SNTB2: variants seen among roughly 807,000 people sequenced by gnomAD.
SNTB2 encodes syntrophin beta 2.
In SNTB2, 34 loss-of-function variants were observed where a neutral mutation model predicts 46.2. The ratio of observed to expected loss-of-function variants is 0.74; its 90% CI spans 0.56 to 0.98. SNTB2 has a LOEUF of 0.98. Among genes scored for constraint, SNTB2 ranks in the 50% least tolerant of loss-of-function variants. The pLI is 0.00. For synonymous variants in SNTB2, 290 were observed against 312.6 expected (o/e 0.93, Z 0.76); for missense variants, 603 against 731.4 (o/e 0.82, Z 2.02).
chr16:69,303,395 T>C lies in SNTB2; in HGVS notation c.*2471T>C, dbSNP rs1965292232. The stretch of plus-strand genomic sequence containing the variant: ...AATGTGAAAAGCTAAGCCACTGAGA[T>C]TTGCAGGGGAGCTTCTGAGCCACCC... On this transcript the variant is annotated 3_prime_UTR_variant, in exon 7 of 7. Coordinates refer to ENST00000336278, the MANE Select transcript of SNTB2 (RefSeq NM_006750.4). The C allele has an allele frequency of 6.6e-6, 1 of 152,204 alleles. No individual in the cohort carries two copies. The highest frequency in any genetic ancestry group is 2.1e-4 in the South Asian group (1 of 4,830). 9.4% of individuals were successfully genotyped at this position (152,204 alleles called of 1,614,324 possible).
chr16:69,245,680 C>A lies in SNTB2; in HGVS notation c.659C>A (p.Pro220His), dbSNP rs1055774782. ...VSDLPWEGAA[P>H]QSPSFSGSED... ...GATCTGCCGTGGGAAGGTGCAGCCC[C>A]CCAGTCACCAAGCTTTAGTGGCAGT... The change falls in exon 2 of 7, where the codon CCC (proline) becomes CAC (histidine). Residue 220 changes from proline (P) to histidine (H), a missense_variant. This residue lies in a region of SNTB2 where 537 missense variants were observed against 692.4 expected (regional missense o/e 0.78). Transcript: ENST00000336278. 3.1e-6 allele frequency: 5 copies of A among 1,614,048 alleles called. No homozygotes were observed. In the East Asian group the frequency reaches 1.1e-4, roughly 36 times the overall value.
intron 1 of SNTB2, among the ~76,000 whole-genome samples, chr16:69,220,626 C>G (rs1351673856): frequency 6.6e-6 from 1 of 151,968 alleles, no homozygotes; most frequent in Non-Finnish European, 1.5e-5. Context: ...CTCCTGGGCT[C>G]AAGCAATCCT....
intron 1 of SNTB2, among the ~76,000 whole-genome samples, chr16:69,236,701 G>A (rs942537516): frequency 6.6e-6 from 1 of 151,600 alleles, no homozygotes; most frequent in African/African-American, 2.4e-5. Context: ...AGCAGCAGCA[G>A]CAGCCACTAC....
chr16:69,206,497 G>A (rs905404837), intron 1 of SNTB2, among the ~76,000 whole-genome samples: 2 of 151,860 alleles, frequency 1.3e-5, no homozygotes, highest in African/African-American at 2.4e-5. Flanking sequence ...TTCGAGACCA[G>A]CCTGACCAAC....
chr16:69,276,202 CAA>C (rs11345899), intron 4 of SNTB2, among the ~76,000 whole-genome samples: 47 of 136,820 alleles, frequency 3.4e-4, no homozygotes, highest in African/African-American at 5.8e-4. Flanking sequence ...AAAAAGATCT[CAA>C]AAAAAAAAAA....
chr16:69,281,578 C>T (rs559934907), intron 4 of SNTB2, among the ~76,000 whole-genome samples: 3 of 150,436 alleles, frequency 2.0e-5, no homozygotes, highest in Non-Finnish European at 3.0e-5. Context: ...TGGCTGGGCA[C>T]GGTGGCTCAC....
chr16:69,252,177 CT>C (rs1964733732), intron 2 of SNTB2, among the ~76,000 whole-genome samples: 1 of 151,710 alleles, frequency 6.6e-6, no homozygotes, highest in Non-Finnish European at 1.5e-5. Context: ...CCCTTTTTTT[CT>C]GCTTTACTGC....
chr16:69,207,448 G>A (rs765703648), intron 1 of SNTB2, among the ~76,000 whole-genome samples: 7 of 152,152 alleles, frequency 4.6e-5, no homozygotes, highest in Middle Eastern at 3.4e-3. Flanking sequence ...GTGAGCCACC[G>A]CGCCTGGTCA....
At chr16:69,210,667 A>G (rs1317811284) in intron 1 of SNTB2, among the ~76,000 whole-genome samples, 1 of 151,980 alleles carries the variant, frequency 6.6e-6, no homozygotes, top group Non-Finnish European at 1.5e-5. Flanking sequence ...AACTACAGGC[A>G]TGTGCCACCC....
chr16:69,234,807 A>G (rs541841876), intron 1 of SNTB2, among the ~76,000 whole-genome samples: 3 of 151,744 alleles, frequency 2.0e-5, no homozygotes, highest in South Asian at 2.1e-4. Flanking sequence ...GGTTCAAGCA[A>G]TTCTTCTGCC....
At chr16:69,200,222 T>C (rs1317223903) in intron 1 of SNTB2, among the ~76,000 whole-genome samples, 1 of 152,228 alleles carries the variant, frequency 6.6e-6, no homozygotes, top group Non-Finnish European at 1.5e-5. Context: ...GTGTTGGCCA[T>C]TGTTGTCAAG....
chr16:69,272,554 A>G (rs1964947684), intron 4 of SNTB2, among the ~76,000 whole-genome samples: 1 of 151,008 alleles, frequency 6.6e-6, no homozygotes, highest in African/African-American at 2.4e-5. Flanking sequence ...AAAAAAAAAA[A>G]AAAAGAGATA....
At chr16:69,212,083 T>C (rs1437416214) in intron 1 of SNTB2, among the ~76,000 whole-genome samples, 2 of 152,166 alleles carry the variant, frequency 1.3e-5, no homozygotes, top group African/African-American at 4.8e-5. Context: ...CCTGATTATC[T>C]ATCACCTTGA....
intron 1 of SNTB2, among the ~76,000 whole-genome samples, chr16:69,240,237 A>G (rs761932257): frequency 9.2e-5 from 14 of 152,222 alleles, no homozygotes; most frequent in Non-Finnish European, 1.9e-4. Context: ...TAGGAGCTCA[A>G]TAAATTAGTG....
At chr16:69,253,709 A>G (rs1324469347) in intron 2 of SNTB2, among the ~76,000 whole-genome samples, 2 of 152,128 alleles carry the variant, frequency 1.3e-5, no homozygotes, top group Non-Finnish European at 2.9e-5. Context: ...CTCACTATCT[A>G]TTCTCATCTT....
intron 1 of SNTB2, among the ~76,000 whole-genome samples, chr16:69,196,365 C>CTTTTCT (rs200068343): frequency 6.9e-5 from 10 of 143,896 alleles, no homozygotes; most frequent in Non-Finnish European, 1.2e-4. Flanking sequence ...CTTTGTTTTT[C>CTTTTCT]TTTTCTTTTT....
At chr16:69,293,836 A>G (rs1965197752) in intron 5 of SNTB2, among the ~76,000 whole-genome samples, 1 of 152,164 alleles carries the variant, frequency 6.6e-6, no homozygotes, top group Non-Finnish European at 1.5e-5. Flanking sequence ...AGCCTGGAAG[A>G]GGGACAGATG....
chr16:69,278,694 G>A (rs1384772887), intron 4 of SNTB2, among the ~76,000 whole-genome samples: 1 of 152,222 alleles, frequency 6.6e-6, no homozygotes, highest in Admixed American at 6.5e-5. Flanking sequence ...GACCTCAGGT[G>A]ATCTGCCCGC....
intron 1 of SNTB2, among the ~76,000 whole-genome samples, chr16:69,242,914 G>C (rs913446523): frequency 1.3e-5 from 2 of 151,876 alleles, no homozygotes; most frequent in Non-Finnish European, 2.9e-5. Context: ...CCAGTTACTG[G>C]GGAGGCTAAG....
Sources: allele counts gnomAD v4.1 joint callset (sites outside exome capture counted in the v4.1 genomes callset), GRCh38; gene constraint gnomAD v4.1.1; regional missense constraint gnomAD v4.1.1; transcripts MANE v1.5; gene names NCBI Gene and HGNC (gene_info 2026-07-23, HGNC 2026-07-21).